The following SRCAP variants were observed in gnomAD, a reference collection of about 807,000 sequenced individuals.
SRCAP encodes the protein chromatin remodeling protein SRCAP.
A neutral mutation model predicts 263.1 loss-of-function variants in SRCAP; 46 were observed. That is an observed-to-expected ratio of 0.17 (90% CI 0.14 to 0.22). The LOEUF (loss-of-function observed/expected upper bound fraction) is 0.22, where lower values mean the gene tolerates loss of function less well. SRCAP is among the 10% of genes least tolerant of loss of function. The pLI, the probability that SRCAP is intolerant of heterozygous loss-of-function variation, is 1.00. For missense variants in SRCAP, 3,695 were observed against 4,181.9 expected, an observed-to-expected ratio of 0.88 and a Z score of 3.21; for synonymous variants, 1,813 against 1,662.1, an observed-to-expected ratio of 1.09 and a Z score of -2.21.
Position 30,720,941 on chromosome 16 carries a change from G to T in SRCAP, c.3216G>T (p.Leu1072Phe). Reference protein sequence around the residue: ...PASRPPGPVLLPPLQPNSGSL... With the variant: ...PASRPPGPVLFPPLQPNSGSL... ...CTCGGCCTCCTGGCCCTGTCCTCTT[G>T]CCTCCACTGCAGCCCAACAGTGGTT... Residue 1072 changes from leucine (L) to phenylalanine (F), a missense_variant, in exon 20 of 34, where the codon TTG becomes TTT. Around this residue, in one of 12 missense-constraint regions of SRCAP, gnomAD observed 1,347 missense variants for 1,304.4 expected, o/e 1.03. Coordinates refer to ENST00000262518, the MANE Select transcript of SRCAP (RefSeq NM_006662.3). 1 of 1,612,826 alleles carries T rather than the reference G, an allele frequency of 6.2e-7. No individual in the cohort carries two copies. The highest frequency in any genetic ancestry group is 8.5e-7 in the Non-Finnish European group (1 of 1,179,310).
At chr16:30,735,787 G>A (rs1472183639) in intron 31 of SRCAP, among the ~76,000 whole-genome samples, 1 of 151,462 alleles carries the variant, frequency 6.6e-6, no homozygotes, top group Non-Finnish European at 1.5e-5. Context: ...CACCATGTTG[G>A]TCAGGCTGGT....
At chr16:30,704,366 C>T (rs1567239811) in intron 4 of SRCAP, 51 bp downstream of exon 4, 2 of 1,525,508 alleles carry the variant, frequency 1.3e-6, no homozygotes, top group East Asian at 4.6e-5. Flanking sequence ...CTTCCGTAAA[C>T]TCCCACGTCC....
At chr16:30,706,153 G>A (rs940129063) in intron 4 of SRCAP, among the ~76,000 whole-genome samples, 1 of 152,164 alleles carries the variant, frequency 6.6e-6, no homozygotes, top group Non-Finnish European at 1.5e-5. Flanking sequence ...TTTATCAGGA[G>A]AGGACAGAAA....
At chr16:30,727,996 T>A (rs1166492890) in intron 25 of SRCAP, among the ~76,000 whole-genome samples, 1 of 152,210 alleles carries the variant, frequency 6.6e-6, no homozygotes, top group Non-Finnish European at 1.5e-5. Context: ...TTTCTCTTTT[T>A]GCTACTATTG....
intron 25 of SRCAP, among the ~76,000 whole-genome samples, chr16:30,727,032 G>T (rs1019263322): frequency 6.6e-6 from 1 of 152,054 alleles, no homozygotes; most frequent in Non-Finnish European, 1.5e-5. Context: ...TAGAGATGGG[G>T]TTTACCATGT....
intron 4 of SRCAP, among the ~76,000 whole-genome samples, chr16:30,706,776 CAA>C (rs1320511951): frequency 6.6e-6 from 1 of 152,110 alleles, no homozygotes; most frequent in African/African-American, 2.4e-5. Context: ...TATCTAGAAT[CAA>C]GAGGGAAGTA....
Position 30,725,022 on chromosome 16 carries a change from G to A in SRCAP, c.5598G>A (p.Ser1866=), listed in dbSNP as rs776887179. ...GPPSPPSTAT[S]FGGPRPRRQP... ...CCAGCCCTCCCTCCACTGCTACCTC[G>A]TTTGGTGGCCCCCGGCCTCGACGCC... is the stretch of plus-strand genomic sequence containing the variant. Residue 1866 remains serine (S), a synonymous_variant, in exon 25 of 34, where the codon TCG becomes TCA. Coordinates refer to ENST00000262518, the MANE Select transcript of SRCAP (RefSeq NM_006662.3). 6 of 1,611,524 alleles carry A rather than the reference G, an allele frequency of 3.7e-6. No individual in the cohort carries two copies. Among genetic ancestry groups the A allele is most frequent in the African/African-American group, 1.3e-5 (1 of 74,904 alleles).
At position 30,709,795 on chromosome 16, in the gene SRCAP, C is replaced by A. The variant is rs1313444446; in HGVS notation, c.857-56C>A. The A allele has an allele frequency of 2.5e-6, 4 of 1,613,122 alleles. No individual in the cohort carries two copies. In the East Asian group the frequency reaches 8.9e-5, roughly 36 times the overall value. On this transcript the variant is annotated intron_variant, in intron 7 of 33. Coordinates refer to ENST00000262518, the MANE Select transcript of SRCAP (RefSeq NM_006662.3). Reference sequence around the variant, plus strand: ...ATGTACCCTTTCCAGAGCTGAAAAACCCACCCTGTGGCTTGCAGGGCCCGT... The same window carrying A: ...ATGTACCCTTTCCAGAGCTGAAAAAACCACCCTGTGGCTTGCAGGGCCCGT...
rs1567248206 is a variant in SRCAP, at chr16:30,724,234, C to T, written c.4810C>T (p.Pro1604Ser). The T allele has an allele frequency of 6.2e-7, 1 of 1,614,050 alleles. No individual in the cohort carries two copies. Among genetic ancestry groups the T allele is most frequent in the Admixed American group, 1.7e-5 (1 of 60,002 alleles). Residue 1604 changes from proline to serine, a missense_variant, in exon 25 of 34, where the codon CCT (proline) becomes TCT (serine). Physicochemically the swap from Pro to Ser is moderately conservative, Grantham distance 74 (BLOSUM62 -1). Coordinates refer to ENST00000262518, the MANE Select transcript of SRCAP (RefSeq NM_006662.3). ...QTAILAPSPAPPLAPLPVLAP... is the reference protein window; with the variant it reads ...QTAILAPSPASPLAPLPVLAP... ...AGCAATTCTGGCTCCTTCTCCAGCTCCTCCTCTGGCTCCTCTTCCGGTCCT... is the reference window on the plus strand; with the variant it reads ...AGCAATTCTGGCTCCTTCTCCAGCTTCTCCTCTGGCTCCTCTTCCGGTCCT...
rs905025333 is a variant in SRCAP at position 30,724,197 on chromosome 16, G to A, written c.4773G>A (p.Ala1591=). 1.9e-6 allele frequency: 3 copies of A among 1,613,644 alleles called. No homozygotes were observed. Among genetic ancestry groups the A allele is most frequent in the Non-Finnish European group, 2.5e-6 (3 of 1,179,918 alleles). Residue 1591 remains alanine, a synonymous_variant, in exon 25 of 34, where the codon GCG becomes GCA. Transcript: ENST00000262518. ...TAGCCACCCCTCTGGCTCCTATGGC[G>A]GCTCCACAGACAGCAATTCTGGCTC... ...QALATPLAPM[A]APQTAILAPS... is the part of the protein sequence containing the mutation.
intron 16 of SRCAP, among the ~76,000 whole-genome samples, chr16:30,713,954 G>A (rs1302283392): frequency 6.7e-6 from 1 of 149,064 alleles, no homozygotes; most frequent in East Asian, 2.0e-4. Flanking sequence ...CTGGAGTGCA[G>A]TGTTGCAATA....
rs760608904 is a variant in SRCAP at position 30,738,956 on chromosome 16, A to G, written c.8916A>G (p.Pro2972=). 5.0e-6 allele frequency: 8 copies of G among 1,613,386 alleles called. No homozygotes were observed. The East Asian group carries it at 1.3e-4, about 27-fold the overall frequency. ...SESRTQPPPH[P]SPLTPLPPLL... ...GTCGGACACAGCCACCCCCACACCC[A>G]TCACCCCTAACCCCACTCCCACCAC... Residue 2972 remains proline, a synonymous_variant, in exon 34 of 34, where the codon CCA becomes CCG. Coordinates refer to ENST00000262518, the MANE Select transcript of SRCAP (RefSeq NM_006662.3).
Position 30,720,998 on chromosome 16 carries a change from A to G in SRCAP, c.3253+20A>G. The G allele has an allele frequency of 6.3e-7, 1 of 1,584,106 alleles. No individual in the cohort carries two copies. The highest frequency in any genetic ancestry group is 8.6e-7 in the Non-Finnish European group (1 of 1,164,748). On this transcript the variant is annotated intron_variant, in intron 20 of 33. Coordinates refer to ENST00000262518, the MANE Select transcript of SRCAP (RefSeq NM_006662.3). ...CCCAGGGTGAGTTGAAAGGGAGCCAAGGATGATGCGTGGTGCTTCAGAAAG... is the reference window on the plus strand; with the variant it reads ...CCCAGGGTGAGTTGAAAGGGAGCCAGGGATGATGCGTGGTGCTTCAGAAAG...
rs773478964 is a variant in SRCAP, at chr16:30,733,858, T to A, written c.6495-36T>A. 2 of 1,613,066 alleles carry A rather than the reference T, an allele frequency of 1.2e-6. No individual in the cohort carries two copies. The highest frequency in any genetic ancestry group is 1.7e-6 in the Non-Finnish European group (2 of 1,179,404). On this transcript the variant is annotated intron_variant, in intron 29 of 33. Transcript: ENST00000262518. This position sits in a 1 kb window ranked among gnomAD's most constrained non-coding sequence, Gnocchi z 5.3. Reference sequence around the variant, plus strand: ...TTACTGATGGGGTTTCCTGGATATATTTGGCTGCTTACACACGGCCTTCAT... The same window carrying A: ...TTACTGATGGGGTTTCCTGGATATAATTGGCTGCTTACACACGGCCTTCAT...
At chr16:30,735,426 G>A (rs572486670) in intron 31 of SRCAP, among the ~76,000 whole-genome samples, 29 of 151,142 alleles carry the variant, frequency 1.9e-4, no homozygotes, top group African/African-American at 6.3e-4. Flanking sequence ...GATTACAGGC[G>A]TGAGCCACCG....
chr16:30,700,805 G>A lies in SRCAP; in HGVS notation c.-20G>A. 6.2e-7 allele frequency: 1 copy of A among 1,613,004 alleles called. No homozygotes were observed. The highest frequency in any genetic ancestry group is 8.5e-7 in the Non-Finnish European group (1 of 1,179,180). ...CCAGTCATTCTTCAGGCATCCAAGG[G>A]GGAGCCTGGGAGTGGGACCATGCAG... On this transcript the variant is annotated 5_prime_UTR_variant, in exon 3 of 34. Transcript: ENST00000262518.
intron 27 of SRCAP, among the ~76,000 whole-genome samples, chr16:30,730,429 C>CTTCT (rs978806297): frequency 9.9e-5 from 15 of 151,950 alleles, no homozygotes; most frequent in Non-Finnish European, 1.8e-4. Context: ...CCTTTTCTTC[C>CTTCT]TTCTTTCTTT....
chr16:30,711,683 T>G lies in SRCAP; in HGVS notation c.1431T>G (p.Cys477Trp). 1 of 1,613,938 alleles carries G rather than the reference T, an allele frequency of 6.2e-7. No individual in the cohort carries two copies. Among genetic ancestry groups the G allele is most frequent in the Non-Finnish European group, 8.5e-7 (1 of 1,179,974 alleles). Residue 477 changes from cysteine to tryptophan, a missense_variant, in exon 11 of 34, where the codon TGT becomes TGG. Transcript: ENST00000262518. ...AGGTTGATGCTAATAGCTCTGACTG[T>G]GAACCAGAGGGGCCCGTGGAAGCGG... ...EDEVDANSSD[C>W]EPEGPVEAEE...
chr16:30,713,828 T>C, intron 16 of SRCAP, 117 bp downstream of exon 16: 1 of 889,976 alleles, frequency 1.1e-6, no homozygotes, highest in Non-Finnish European at 1.7e-6. Context: ...GCTAAACTCC[T>C]TTGTCAAGCT....
Sources: gnomAD v4.1 joint callset for allele counts (sites outside exome capture counted in the v4.1 genomes callset) on GRCh38, gnomAD v4.1.1 for gene constraint, gnomAD v4.1.1 regional missense constraint, Gnocchi (gnomAD v3.1) non-coding constraint, MANE v1.5 for transcripts, NCBI Gene and HGNC (gene_info 2026-07-23, HGNC 2026-07-21) for gene names.